Variants in SYCP2 observed in about 807,000 individuals in gnomAD.
SYCP2 encodes the protein synaptonemal complex lateral element protein.
Under a neutral mutation model 211.3 loss-of-function variants are expected in SYCP2, and 55 were observed. That is an observed-to-expected ratio of 0.26 (90% confidence interval 0.21 to 0.33). The LOEUF (loss-of-function observed/expected upper bound fraction) is 0.33, where lower values mean the gene tolerates loss of function less well. Ranked by LOEUF, SYCP2 falls within the 10% of genes least tolerant of loss-of-function variation. SYCP2 has a pLI of 1.00. For synonymous variants in SYCP2, 570 were observed against 555.2 expected (o/e 1.03, Z -0.37); for missense variants, 1,731 against 1,752.0 (o/e 0.99, Z 0.21).
intron 2 of SYCP2, among the ~76,000 whole-genome samples, chr20:59,924,849 C>T (rs2060605723): frequency 1.3e-5 from 2 of 151,968 alleles, no homozygotes; most frequent in South Asian, 4.1e-4. Context: ...CAGACCTATA[C>T]ACATGACTTG....
rs2145739662 is a variant in SYCP2 at position 59,893,247 on chromosome 20, G to A, written c.1736-48C>T. On this transcript the variant is annotated intron_variant, in intron 21 of 44. Transcript: ENST00000357552. Reference sequence around the variant, plus strand: ...TATTTTCATTTTTTTCATGCAGTTGGCAGGGGGATAGGGAGGTTAGTATAG... The same window carrying A: ...TATTTTCATTTTTTTCATGCAGTTGACAGGGGGATAGGGAGGTTAGTATAG... 3.9e-6 allele frequency: 5 copies of A among 1,283,526 alleles called. No individual in the cohort carries two copies. In the East Asian group the frequency reaches 1.2e-4, roughly 31 times the overall value. The allele number at this position is 1,283,526 out of a possible 1,614,324, so 79.5% of individuals were successfully genotyped here.
chr20:59,887,397 T>C (rs994302562), intron 24 of SYCP2, among the ~76,000 whole-genome samples: 1 of 152,196 alleles, frequency 6.6e-6, no homozygotes, highest in Admixed American at 6.5e-5. Context: ...CAGTCTATCA[T>C]TGAGGGACAT....
intron 30 of SYCP2, 70 bp from the exon 31 acceptor site, chr20:59,880,541 C>T: frequency 1.2e-6 from 1 of 831,258 alleles, no homozygotes; most frequent in East Asian, 3.0e-5. Flanking sequence ...TAAGTTAAAC[C>T]AAAACAACAA....
chr20:59,865,576 G>A lies in SYCP2; in HGVS notation c.4455C>T (p.Ser1485=), dbSNP rs199996042. The A allele has an allele frequency of 3.1e-5, 49 of 1,598,238 alleles. No individual in the cohort carries two copies. The highest frequency in any genetic ancestry group is 4.1e-5 in the African/African-American group (3 of 73,870). Residue 1485 remains serine, a synonymous_variant, in exon 43 of 45, where the codon TCC becomes TCT. Transcript: ENST00000357552. ...NTDSEETVFT[S]EMCLMKEDMK... is the part of the protein sequence containing the mutation. ...ATAAAAAGCATAAAATTTATACCTC[G>A]GATGTAAAAACAGTTTCTTCACTAT...
At chr20:59,912,440 G>GA (rs1365809785) in intron 12 of SYCP2, 22 bp from the exon 13 acceptor site, 4 of 933,542 alleles carry the variant, frequency 4.3e-6, no homozygotes, top group Non-Finnish European at 4.8e-6. Context: ...AGTAGTTTAA[G>GA]AAAAAAATAA....
At chr20:59,929,496 T>C (rs1019061493) in intron 2 of SYCP2, among the ~76,000 whole-genome samples, 4 of 152,168 alleles carry the variant, frequency 2.6e-5, no homozygotes, top group Non-Finnish European at 4.4e-5. Context: ...ACTGCCTCTG[T>C]CAGTGTGTTG....
Sources: gnomAD v4.1 joint callset for allele counts (sites outside exome capture counted in the v4.1 genomes callset) on GRCh38, gnomAD v4.1.1 for gene constraint, MANE v1.5 for transcripts, NCBI Gene and HGNC (gene_info 2026-07-23, HGNC 2026-07-21) for gene names.